GALNT7: variants seen among roughly 807,000 people sequenced by gnomAD.
GALNT7 encodes polypeptide N-acetylgalactosaminyltransferase 7.
GALNT7 carries 60 observed loss-of-function variants against 82.1 expected under a neutral mutation model. That is an observed-to-expected ratio of 0.73 (90% CI 0.59 to 0.91). GALNT7 has a LOEUF of 0.91. Among genes scored for constraint, GALNT7 ranks in the 40% least tolerant of loss-of-function variants. GALNT7 has a pLI of 0.00. For missense variants in GALNT7, 660 were observed against 804.2 expected (o/e 0.82, Z 2.17); for synonymous variants, 243 against 275.1 (o/e 0.88, Z 1.15).
intron 1 of GALNT7, among the ~76,000 whole-genome samples, chr4:173,178,052 T>TGTGCGCGCGCGCGCGC (rs563102408): frequency 5.4e-5 from 7 of 129,510 alleles, no homozygotes; most frequent in African/African-American, 1.5e-4. Flanking sequence ...TGTGTGTGTG[T>TGTGCGCGCGCGCGCGC]GCGCGCACGC....
intron 8 of GALNT7, among the ~76,000 whole-genome samples, chr4:173,307,170 T>C (rs754378384): frequency 6.6e-6 from 1 of 152,240 alleles, no homozygotes; most frequent in South Asian, 2.1e-4. Context: ...TTTTCTCTCA[T>C]TGCAGAAGTT....
At chr4:173,314,335 C>T (rs1737512623) in intron 9 of GALNT7, among the ~76,000 whole-genome samples, 159 bp downstream of exon 9, 1 of 152,196 alleles carries the variant, frequency 6.6e-6, no homozygotes, top group African/African-American at 2.4e-5. Flanking sequence ...GCTATAGCTG[C>T]CAGACCAGCT....
chr4:173,316,151 A>G (rs981995147), intron 9 of GALNT7: 1 of 152,418 alleles, frequency 6.6e-6, no homozygotes, highest in Non-Finnish European at 1.5e-5. Context: ...GATCCACAAC[A>G]TCTGTCCCCA....
At chr4:173,263,783 C>T (rs957272605) in intron 2 of GALNT7, among the ~76,000 whole-genome samples, 1 of 151,952 alleles carries the variant, frequency 6.6e-6, no homozygotes, top group Admixed American at 6.6e-5. Flanking sequence ...TTTTGGAATG[C>T]CAAGAATTCA....
At chr4:173,221,300 C>A (rs184572787) in intron 1 of GALNT7, among the ~76,000 whole-genome samples, 13 of 152,196 alleles carry the variant, frequency 8.5e-5, no homozygotes, top group Middle Eastern at 3.4e-3. Flanking sequence ...TAAATGTCTT[C>A]TATTATTTCA....
rs551082339 is a variant in GALNT7 at position 173,247,474 on chromosome 4, G to A, written c.127-506G>A. On this transcript the variant is annotated intron_variant, in intron 1 of 11. Coordinates refer to ENST00000265000, the MANE Select transcript of GALNT7 (RefSeq NM_017423.3). ...CCAAATCGGGACTCTGCATATCCCC[G>A]CCTTGTTCCTCTGCCATTTGGGGCA... Among the ~76,000 whole-genome samples, 54 of 151,832 alleles carry A rather than the reference G, an allele frequency of 3.6e-4. No homozygotes were observed. In the South Asian group the frequency reaches 0.01, roughly 29 times the overall value.
rs142612392 is a variant in GALNT7, at chr4:173,268,958, T to G, written c.587+20518T>G. On this transcript the variant is annotated intron_variant, in intron 2 of 11. Coordinates refer to ENST00000265000, the MANE Select transcript of GALNT7 (RefSeq NM_017423.3). ...GAATCCACAAATAATAAGGAGCCAC[T>G]GAATTTTTGTATATTTAGTATGGGG... Among the ~76,000 whole-genome samples, 1,172 of 152,248 alleles carry G rather than the reference T, an allele frequency of 7.7e-3. 13 individuals are homozygous for G. The highest frequency in any genetic ancestry group is 0.026 in the African/African-American group (1,094 of 41,554).
intron 8 of GALNT7, among the ~76,000 whole-genome samples, chr4:173,305,711 C>T (rs186967638): frequency 2.1e-4 from 32 of 152,146 alleles, no homozygotes; most frequent in East Asian, 3.9e-4. Context: ...ACCATAAATG[C>T]GTGGATTATT....
At chr4:173,252,053 A>G (rs1734865601) in intron 2 of GALNT7, among the ~76,000 whole-genome samples, 1 of 152,218 alleles carries the variant, frequency 6.6e-6, no homozygotes, top group Non-Finnish European at 1.5e-5. Context: ...AAAATTATTT[A>G]TACTTTAGAA....
chr4:173,192,604 A>G (rs1158915040), intron 1 of GALNT7, among the ~76,000 whole-genome samples: 1 of 152,184 alleles, frequency 6.6e-6, no homozygotes, highest in Non-Finnish European at 1.5e-5. Context: ...CGAGTTCTTG[A>G]ATTATCATCG....
intron 1 of GALNT7, among the ~76,000 whole-genome samples, chr4:173,223,493 G>T (rs1346097508): frequency 6.8e-6 from 1 of 146,806 alleles, no homozygotes; most frequent in Non-Finnish European, 1.5e-5. Flanking sequence ...GTTACTAAAT[G>T]AAAAAGAACT....
At chr4:173,274,499 T>A (rs973789836) in intron 2 of GALNT7, among the ~76,000 whole-genome samples, 1 of 152,114 alleles carries the variant, frequency 6.6e-6, no homozygotes, top group African/African-American at 2.4e-5. Context: ...CAAATTAGAG[T>A]CAAAGGATTC....
At chr4:173,261,426 G>C (rs76223275) in intron 2 of GALNT7, among the ~76,000 whole-genome samples, 2,286 of 151,460 alleles carry the variant, frequency 0.015, 67 homozygotes, top group African/African-American at 0.052. Context: ...AACAAAACAA[G>C]GTTGAATGAG....
At chr4:173,215,236 T>C (rs1733404873) in intron 1 of GALNT7, among the ~76,000 whole-genome samples, 1 of 151,070 alleles carries the variant, frequency 6.6e-6, no homozygotes, top group African/African-American at 2.4e-5. Context: ...CTTCTTCTTT[T>C]TTTTTTTTTT....
intron 2 of GALNT7, among the ~76,000 whole-genome samples, chr4:173,270,438 A>G (rs918899022): frequency 1.3e-5 from 2 of 152,186 alleles, no homozygotes; most frequent in African/African-American, 4.8e-5. Flanking sequence ...CTGCATTCCA[A>G]TACCTTAGGT....
chr4:173,230,636 C>T (rs904672737), intron 1 of GALNT7, among the ~76,000 whole-genome samples: 1 of 152,144 alleles, frequency 6.6e-6, no homozygotes, highest in South Asian at 2.1e-4. Context: ...TGATATGTCA[C>T]TCCTAATCCT....
At chr4:173,286,347 C>T (rs576752133) in intron 2 of GALNT7, among the ~76,000 whole-genome samples, 3 of 152,284 alleles carry the variant, frequency 2.0e-5, no homozygotes, top group South Asian at 2.1e-4. Flanking sequence ...GTTAAGGAGG[C>T]GATTGTCTGT....
At position 173,191,385 on chromosome 4, in the gene GALNT7, G is replaced by A. The variant is rs10019273; in HGVS notation, c.126+22424G>A. ...GAGCAAAAGGATGTAAGTCTCTTCC[G>A]CCAGCCCTTCTGCTTCTGTCTAGTG... On this transcript the variant is annotated intron_variant, in intron 1 of 11. Transcript: ENST00000265000. 9.5e-3 allele frequency among the ~76,000 whole-genome samples: 1,443 copies of A among 152,232 alleles called. 20 individuals are homozygous for A. The highest frequency in any genetic ancestry group is 0.033 in the African/African-American group (1,357 of 41,534).
chr4:173,318,618 CA>C (rs749552074), intron 11 of GALNT7, 59 bp downstream of exon 11: 3 of 1,060,362 alleles, frequency 2.8e-6, no homozygotes, highest in Non-Finnish European at 4.3e-6. Flanking sequence ...TAACATCTAG[CA>C]TGTGGAATTT....
Sources: allele counts gnomAD v4.1 joint callset (sites outside exome capture counted in the v4.1 genomes callset), GRCh38; gene constraint gnomAD v4.1.1; transcripts MANE v1.5; gene names NCBI Gene and HGNC (gene_info 2026-07-23, HGNC 2026-07-21).